The following MYH2 variants were observed in gnomAD, a reference collection of about 807,000 sequenced individuals.
MYH2 encodes myosin-2.
In MYH2, 139 loss-of-function variants were observed where a neutral mutation model predicts 228.1. That is an observed-to-expected ratio of 0.61 (90% confidence interval 0.53 to 0.70). The LOEUF (loss-of-function observed/expected upper bound fraction) is 0.70. Among genes scored for constraint, MYH2 ranks in the 30% least tolerant of loss-of-function variants. The pLI is 0.00. For synonymous variants in MYH2, 796 were observed against 871.1 expected, an observed-to-expected ratio of 0.91 and a Z score of 1.52; for missense variants, 1,809 against 2,357.5, an observed-to-expected ratio of 0.77 and a Z score of 4.82.
Position 10,542,897 on chromosome 17 carries a change from C to T in MYH2, c.882G>A (p.Ser294=), listed in dbSNP as rs201035972. 286 of 1,608,188 alleles carry T rather than the reference C, an allele frequency of 1.8e-4. No individual in the cohort carries two copies. The highest frequency in any genetic ancestry group is 1.1e-3 in the African/African-American group (86 of 74,870). The stretch of plus-strand genomic sequence containing the variant: ...TACCAATAAGTTCTGGTTTCTTATT[C>T]GATGTAATCTGGTAAAAAATATGAT... ...RSYHIFYQIT[S]NKKPELIEML... The change falls in exon 10 of 40, where the codon TCG becomes TCA. Residue 294 remains serine (S), a synonymous_variant. Coordinates refer to ENST00000245503, the MANE Select transcript of MYH2 (RefSeq NM_017534.6).
chr17:10,535,343 G>C lies in MYH2; in HGVS notation c.1997C>G (p.Thr666Ser). ...GTGAGGATGGGTACTCCTGAGGTTG[G>C]TCATCAGCTTGTTCAAATTCTCCTG... is the stretch of plus-strand genomic sequence containing the variant. ...LFRENLNKLMTNLRSTHPHFV... is the reference protein window; with the variant it reads ...LFRENLNKLMSNLRSTHPHFV... Residue 666 changes from threonine to serine, a missense_variant, in exon 18 of 40, where the codon ACC becomes AGC. Physicochemically the swap from Thr to Ser is moderately conservative, Grantham distance 58. Coordinates refer to ENST00000245503, the MANE Select transcript of MYH2 (RefSeq NM_017534.6). The C allele has an allele frequency of 6.2e-7, 1 of 1,614,110 alleles. No homozygotes were observed. The highest frequency in any genetic ancestry group is 8.5e-7 in the Non-Finnish European group (1 of 1,180,010).
rs1597450796 is a variant in MYH2 at position 10,529,152 on chromosome 17, A to AGTCTTACTTGCAAT, written c.3354+9_3354+10insATTGCAAGTAAGAC. The stretch of plus-strand genomic sequence containing the variant: ...CCTCCGAGCCAGACTGATGAAAATC[A>AGTCTTACTTGCAAT]TGTACTTACTTGCAATTCTTTAATT... On this transcript the variant is annotated intron_variant, in intron 26 of 39. Transcript: ENST00000245503. 1.2e-6 allele frequency: 2 copies of AGTCTTACTTGCAAT among 1,614,230 alleles called. No individual in the cohort carries two copies. The highest frequency in any genetic ancestry group is 1.6e-4 in the Middle Eastern group (1 of 6,062).
chr17:10,529,683 T>C lies in MYH2; in HGVS notation c.2998A>G (p.Lys1000Glu), dbSNP rs1481493752. The C allele has an allele frequency of 1.2e-6, 2 of 1,613,894 alleles. No individual in the cohort carries two copies. Among genetic ancestry groups the C allele is most frequent in the African/African-American group, 2.7e-5 (2 of 74,800 alleles). The change falls in exon 24 of 40, where the codon AAG becomes GAG. Residue 1000 changes from lysine (K) to glutamate (E), a missense_variant. By Grantham distance (56) the Lys-to-Glu change is moderately conservative. Around this residue, in one of 9 missense-constraint regions of MYH2, gnomAD observed 636 missense variants for 729.9 expected, o/e 0.87. Coordinates refer to ENST00000245503, the MANE Select transcript of MYH2 (RefSeq NM_017534.6). ...GLDETIAKLT[K>E]EKKALQEAHQ... ...GCCTCCTGGAGAGCCTTCTTCTCCT[T>C]GGTCAGCTTAGCAATGGTTTCATCC...
At chr17:10,541,878 T>G (rs2073560186) in intron 10 of MYH2, among the ~76,000 whole-genome samples, 1 of 152,230 alleles carries the variant, frequency 6.6e-6, no homozygotes, top group East Asian at 1.9e-4. Flanking sequence ...CACATGATGC[T>G]TTGTTGATGA....
In MYH2 at chr17:10,523,421, A is replaced by G. The variant is rs1264327536; in HGVS notation, c.5473-9T>C. 7 of 1,614,156 alleles carry G rather than the reference A, an allele frequency of 4.3e-6. No individual in the cohort carries two copies. The South Asian group carries it at 7.7e-5, about 18-fold the overall frequency. On this transcript the variant is annotated splice_polypyrimidine_tract_variant and intron_variant, in intron 37 of 39. Coordinates refer to ENST00000245503, the MANE Select transcript of MYH2 (RefSeq NM_017534.6). ...CCTTCCAGCTCCCGTACCTGCAAATAAGTAGGCTCTTAAGAACTTTGATCC... is the reference window on the plus strand; with the variant it reads ...CCTTCCAGCTCCCGTACCTGCAAATGAGTAGGCTCTTAAGAACTTTGATCC...
intron 19 of MYH2, among the ~76,000 whole-genome samples, chr17:10,534,030 C>T (rs532090404): frequency 6.6e-6 from 1 of 152,306 alleles, no homozygotes; most frequent in African/African-American, 2.4e-5. Flanking sequence ...TCAGAACTAT[C>T]CTAATCACCT....
At position 10,533,335 on chromosome 17, in the gene MYH2, C is replaced by A. The variant is rs374943306; in HGVS notation, c.2391G>T (p.Arg797Ser). Residue 797 changes from arginine to serine, a missense_variant, in exon 21 of 40, where the codon AGG becomes AGT. This residue lies in a region of MYH2 where 276 missense variants were observed against 344.2 expected (regional missense o/e 0.80). Coordinates refer to ENST00000245503, the MANE Select transcript of MYH2 (RefSeq NM_017534.6). Reference sequence around the variant, plus strand: ...CCACTCTTGCCAAGAACCCTCTGCACCTGGCCTGGGTTCGGGTAATCAGCT... The same window carrying A: ...CCACTCTTGCCAAGAACCCTCTGCAACTGGCCTGGGTTCGGGTAATCAGCT... ...LAQLITRTQARCRGFLARVEY... is the reference protein window; with the variant it reads ...LAQLITRTQASCRGFLARVEY... 3.2e-5 allele frequency: 52 copies of A among 1,614,106 alleles called. No homozygotes were observed. Among genetic ancestry groups the A allele is most frequent in the African/African-American group, 5.3e-5 (4 of 74,934 alleles).
At chr17:10,546,270 T>TATATATATATATATATATAC (rs2073629712) in intron 4 of MYH2, among the ~76,000 whole-genome samples, 1 of 130,538 alleles carries the variant, frequency 7.7e-6, no homozygotes, top group Non-Finnish European at 1.6e-5. Context: ...TATATATATA[T>TATATATATATATATATATAC]ATATATATAT....
chr17:10,525,938 C>T lies in MYH2; in HGVS notation c.4188-62G>A. ...CATAATATGAATTATGAGCTATTGC[C>T]ACACACGCTGAAGAGTGTTAGAAAC... On this transcript the variant is annotated intron_variant, in intron 30 of 39. Transcript: ENST00000245503. The surrounding 1 kb of genome is among the most constrained non-coding windows in gnomAD (Gnocchi z 4.2). 2.6e-6 allele frequency: 4 copies of T among 1,551,838 alleles called. No individual in the cohort carries two copies. Among genetic ancestry groups the T allele is most frequent in the Non-Finnish European group, 3.5e-6 (4 of 1,130,560 alleles).
rs1139439 is a variant in MYH2, at chr17:10,527,019, C to T, written c.3909G>A (p.Leu1303=). 2 of 1,613,962 alleles carry T rather than the reference C, an allele frequency of 1.2e-6. No homozygotes were observed. Among genetic ancestry groups the T allele is most frequent in the Admixed American group, 1.7e-5 (1 of 60,002 alleles). Residue 1303 remains leucine (L), a synonymous_variant, in exon 29 of 40, where the codon CTG becomes CTA. Transcript: ENST00000245503. ...FSRQLDEKEA[L]VSQLSRGKQA... Reference sequence around the variant, plus strand: ...GTTTGCCTCTTGATAACTGAGACACCAGAGCTTCCTTTTCATCAAGCTGGC... The same window carrying T: ...GTTTGCCTCTTGATAACTGAGACACTAGAGCTTCCTTTTCATCAAGCTGGC...
rs1246099933 is a variant in MYH2 at position 10,523,684 on chromosome 17, C to G, written c.5302-18G>C. On this transcript the variant is annotated intron_variant, in intron 36 of 39. Transcript: ENST00000245503. Reference sequence around the variant, plus strand: ...ATGGCGGCCTAAATAGCAAATAAATCAAGAAAACCAAGAAAGTTATAGATG... The same window carrying G: ...ATGGCGGCCTAAATAGCAAATAAATGAAGAAAACCAAGAAAGTTATAGATG... 8 of 1,614,186 alleles carry G rather than the reference C, an allele frequency of 5.0e-6. No homozygotes were observed. In the East Asian group the frequency reaches 1.1e-4, roughly 22 times the overall value.
intron 39 of MYH2, among the ~76,000 whole-genome samples, chr17:10,521,682 A>G (rs1415810274): frequency 6.6e-6 from 1 of 152,038 alleles, no homozygotes; most frequent in African/African-American, 2.4e-5. Flanking sequence ...CACAAGTAGA[A>G]TAAGAAGAAA....
At chr17:10,534,643 A>G (rs975125575) in intron 19 of MYH2, among the ~76,000 whole-genome samples, 18 of 152,212 alleles carry the variant, frequency 1.2e-4, no homozygotes, top group African/African-American at 4.3e-4. Flanking sequence ...GAGGCTGGGC[A>G]TGGTGGCTCA....
Position 10,547,779 on chromosome 17 carries a change from CA to C in MYH2, c.141del (p.Phe47LeufsTer14), listed in dbSNP as rs2073654496. On this transcript the variant is annotated frameshift_variant, in exon 3 of 40. Coordinates refer to ENST00000245503, the MANE Select transcript of MYH2 (RefSeq NM_017534.6). LOFTEE classifies it high-confidence loss of function. ...SVFVAEPKESFVKGTIQSREG... is the reference protein window; with the variant it reads ...SVFVAEPKESXVKGTIQSREG... ...TCTCTGCTCTGGATGGTCCCTTTGACAAAGGATTCTTTGGGCTCCGCCACAA... is the reference window on the plus strand; with the variant it reads ...TCTCTGCTCTGGATGGTCCCTTTGACAAGGATTCTTTGGGCTCCGCCACAA... 1 of 1,614,098 alleles carries C rather than the reference CA, an allele frequency of 6.2e-7. No homozygotes were observed. The highest frequency in any genetic ancestry group is 1.7e-5 in the Admixed American group (1 of 60,006).
At chr17:10,546,738 G>A (rs1392823065) in intron 4 of MYH2, among the ~76,000 whole-genome samples, 1 of 149,896 alleles carries the variant, frequency 6.7e-6, no homozygotes, top group African/African-American at 2.5e-5. Flanking sequence ...GATACAAATT[G>A]CTGTTATTTC....
At chr17:10,543,614 T>A (rs2073586823) in intron 8 of MYH2, 97 bp downstream of exon 8, 1 of 1,516,586 alleles carries the variant, frequency 6.6e-7, no homozygotes, top group Non-Finnish European at 9.1e-7. Flanking sequence ...AATGATGTAA[T>A]AGAATGGGAA....
chr17:10,541,153 C>A (rs915372845), intron 10 of MYH2, among the ~76,000 whole-genome samples: 1 of 152,174 alleles, frequency 6.6e-6, no homozygotes, highest in African/African-American at 2.4e-5. Flanking sequence ...GAAAAAAGAA[C>A]AGGATAACAG....
At chr17:10,546,774 G>GT (rs71139050) in intron 4 of MYH2, among the ~76,000 whole-genome samples, 1 of 127,366 alleles carries the variant, frequency 7.9e-6, no homozygotes, top group African/African-American at 2.7e-5. Context: ...AGTGAAATTT[G>GT]TTTTTAAAAA....
chr17:10,526,305 G>A (rs2073352279), intron 30 of MYH2, among the ~76,000 whole-genome samples: 1 of 152,158 alleles, frequency 6.6e-6, no homozygotes, highest in African/African-American at 2.4e-5. Flanking sequence ...GAGAAAAGCA[G>A]GTACAAGCCC....
Sources: allele counts gnomAD v4.1 joint callset (sites outside exome capture counted in the v4.1 genomes callset), GRCh38; gene constraint gnomAD v4.1.1; regional missense constraint gnomAD v4.1.1; non-coding constraint Gnocchi (gnomAD v3.1); transcripts MANE v1.5; gene names NCBI Gene and HGNC (gene_info 2026-07-23, HGNC 2026-07-21).